Variants in SLC4A5 observed in about 807,000 individuals in gnomAD.
SLC4A5 encodes the protein solute carrier family 4 member 5.
A neutral mutation model predicts 120.4 loss-of-function variants in SLC4A5; 96 were observed. That is an observed-to-expected ratio of 0.80 (90% CI 0.68 to 0.94). SLC4A5 has a LOEUF of 0.94. SLC4A5 is among the 40% of genes least tolerant of loss of function. The pLI, the probability that SLC4A5 is intolerant of heterozygous loss-of-function variation, is 0.00. For synonymous variants in SLC4A5, 550 were observed against 571.1 expected (o/e 0.96, Z 0.53); for missense variants, 1,259 against 1,459.5 (o/e 0.86, Z 2.24).
chr2:74,222,986 C>T, intron 28 of SLC4A5, 34 bp from the exon 29 acceptor site: 1 of 1,453,128 alleles, frequency 6.9e-7, no homozygotes, highest in Non-Finnish European at 9.4e-7. Context: ...AGGATAAACA[C>T]CAACACAACA....
chr2:74,247,063 TG>T lies in SLC4A5; in HGVS notation c.2031del (p.Tyr677Ter), dbSNP rs918639218. On this transcript the variant is annotated frameshift_variant, in exon 19 of 31. Coordinates refer to ENST00000394019, the Ensembl canonical transcript of SLC4A5. LOFTEE classifies it high-confidence loss of function. ...GTGTCAGGGGCGACACACTCGCACT[TG>T]TAGGTAGTGATGAAGTTTGGCTTGA... 2.5e-6 allele frequency: 4 copies of T among 1,614,022 alleles called. No individual in the cohort carries two copies.
In SLC4A5 at chr2:74,267,433, G is replaced by T. The variant is rs1024069193; in HGVS notation, c.402-2169C>A. Among the ~76,000 whole-genome samples the T allele has an allele frequency of 2.6e-5, 4 of 152,190 alleles. No individual in the cohort carries two copies. In the South Asian group the frequency reaches 8.3e-4, roughly 32 times the overall value. On this transcript the variant is annotated intron_variant, in intron 8 of 30. Transcript: ENST00000394019. ...GTAGAAGCATGATTACATCAATTCT[G>T]TATGTCCATGTTGTGGAATATCCCC...
chr2:74,219,247 G>A (rs541514156), intron 30 of SLC4A5, among the ~76,000 whole-genome samples: 8 of 150,398 alleles, frequency 5.3e-5, no homozygotes, highest in Admixed American at 1.3e-4. Flanking sequence ...ATGGTACTTC[G>A]GGCCTGTGTC....
chr2:74,252,301 A>T, exon 16 of SLC4A5: 2 of 1,611,102 alleles, frequency 1.2e-6, no homozygotes. Flanking sequence ...CACCACCACC[A>T]CCTCCATTGC....
intron 8 of SLC4A5, among the ~76,000 whole-genome samples, chr2:74,267,833 C>T (rs1671352280): frequency 6.6e-6 from 1 of 151,950 alleles, no homozygotes; most frequent in Non-Finnish European, 1.5e-5. Context: ...CTGACTCTAC[C>T]AAAAAACCCA....
chr2:74,239,276 C>G lies in SLC4A5; in HGVS notation c.2319+59G>C, dbSNP rs549115366. 75 of 1,546,220 alleles carry G rather than the reference C, an allele frequency of 4.9e-5. No homozygotes were observed. The African/African-American group carries it at 9.5e-4, about 20-fold the overall frequency. On this transcript the variant is annotated intron_variant, in intron 21 of 30. Coordinates refer to ENST00000394019, the Ensembl canonical transcript of SLC4A5. ...TCCTGTCGGTGGACCAGAACCCTCTCTGGGGGACTCAGCAGCTGTCTGACT... is the reference window on the plus strand; with the variant it reads ...TCCTGTCGGTGGACCAGAACCCTCTGTGGGGGACTCAGCAGCTGTCTGACT...
At chr2:74,273,110 A>G (rs1671527172) in intron 8 of SLC4A5, among the ~76,000 whole-genome samples, 1 of 152,236 alleles carries the variant, frequency 6.6e-6, no homozygotes. Flanking sequence ...ACTGACAATC[A>G]GACATCAATA....
intron 11 of SLC4A5, among the ~76,000 whole-genome samples, chr2:74,260,332 G>A (rs1202247405): frequency 6.6e-6 from 1 of 151,906 alleles, no homozygotes; most frequent in Non-Finnish European, 1.5e-5. Flanking sequence ...TCTGTCCCAG[G>A]ATCCTCTCCT....
At chr2:74,224,491 C>G (rs966831505) in intron 28 of SLC4A5, among the ~76,000 whole-genome samples, 1 of 152,164 alleles carries the variant, frequency 6.6e-6, no homozygotes, top group Non-Finnish European at 1.5e-5. Context: ...GGAGGTCAGT[C>G]TTCATAACCT....
intron 11 of SLC4A5, among the ~76,000 whole-genome samples, chr2:74,260,720 C>A (rs1452239530): frequency 1.3e-5 from 2 of 152,156 alleles, no homozygotes; most frequent in African/African-American, 4.8e-5. Flanking sequence ...TTCTGGAATG[C>A]AGGCTCAGTC....
At chr2:74,342,057 T>A (rs1182419019) in intron 2 of SLC4A5, among the ~76,000 whole-genome samples, 1 of 152,208 alleles carries the variant, frequency 6.6e-6, no homozygotes, top group Non-Finnish European at 1.5e-5. Context: ...AAGAAGCACA[T>A]AGCCCACCTC....
intron 29 of SLC4A5, among the ~76,000 whole-genome samples, chr2:74,222,451 G>A (rs1694684147): frequency 6.6e-6 from 1 of 152,196 alleles, no homozygotes; most frequent in Admixed American, 6.5e-5. Context: ...TTCTAGCGCA[G>A]GGGTCCTCAG....
intron 3 of SLC4A5, among the ~76,000 whole-genome samples, chr2:74,336,262 T>A (rs1202137203): frequency 6.6e-6 from 1 of 151,862 alleles, no homozygotes. Context: ...AGAGATGAGG[T>A]CTCAATATGT....
intron 5 of SLC4A5, among the ~76,000 whole-genome samples, chr2:74,322,288 G>C (rs1673117353): frequency 6.6e-6 from 1 of 152,032 alleles, no homozygotes; most frequent in African/African-American, 2.4e-5. Context: ...ACTATGGACA[G>C]TTGAAATTAA....
rs58455711 is a variant in SLC4A5, at chr2:74,313,049, C to CT, written c.79+1895dup. ...TTTTTTAATCTTCCCCCTTTTTGGT[C>CT]TTTTTTTTTTTTTTTTTAAGAAACA... On this transcript the variant is annotated intron_variant, in intron 6 of 30. Coordinates refer to ENST00000394019, the Ensembl canonical transcript of SLC4A5. Among the ~76,000 whole-genome samples, 829 of 107,922 alleles carry CT rather than the reference C, an allele frequency of 7.7e-3. 9 individuals are homozygous for CT. Among genetic ancestry groups the CT allele is most frequent in the African/African-American group, 0.019 (560 of 29,818 alleles). 70.8% of individuals were successfully genotyped at this position (107,922 alleles called of 152,430 possible).
chr2:74,338,887 TTA>T (rs1673560405), exon 3 of SLC4A5: 1 of 152,162 alleles, frequency 6.6e-6, no homozygotes, highest in Admixed American at 6.5e-5. Flanking sequence ...ATCTGGAAGG[TTA>T]TCTTACACTC....
intron 12 of SLC4A5, among the ~76,000 whole-genome samples, chr2:74,258,824 G>C: frequency 6.6e-6 from 1 of 152,260 alleles, no homozygotes; most frequent in African/African-American, 2.4e-5. Flanking sequence ...GACATGAGGG[G>C]CTGACTTTGT....
At chr2:74,259,679 G>A (rs1223707381) in intron 11 of SLC4A5, 36 bp from the exon 12 acceptor site, 1 of 1,610,658 alleles carries the variant, frequency 6.2e-7, no homozygotes, top group East Asian at 2.2e-5. Flanking sequence ...ATCAGGGGAA[G>A]CCAGGCTCTT....
At chr2:74,242,515 A>G (rs951077084) in intron 19 of SLC4A5, among the ~76,000 whole-genome samples, 1 of 152,104 alleles carries the variant, frequency 6.6e-6, no homozygotes, top group African/African-American at 2.4e-5. Context: ...AGATGAGGTA[A>G]CTGAGGCCCA....
Sources: allele counts gnomAD v4.1 joint callset (sites outside exome capture counted in the v4.1 genomes callset), GRCh38; gene constraint gnomAD v4.1.1; transcripts MANE v1.5; gene names NCBI Gene and HGNC (gene_info 2026-07-23, HGNC 2026-07-21).